The following EPHA10 variants were observed in gnomAD, a reference collection of about 807,000 sequenced individuals.
EPHA10 encodes EPH receptor A10.
EPHA10 carries 120 observed loss-of-function variants against 109.7 expected under a neutral mutation model. The observed-to-expected ratio is 1.09, with a 90% CI of 0.94 to 1.27. The LOEUF is 1.27. Ranked by LOEUF, EPHA10 falls within the 50% of genes most tolerant of loss-of-function variation. The pLI is 0.00. For missense variants in EPHA10, 1,396 were observed against 1,411.1 expected (o/e 0.99, Z 0.17); for synonymous variants, 640 against 618.9 (o/e 1.03, Z -0.51).
intron 8 of EPHA10, among the ~76,000 whole-genome samples, chr1:37,725,400 G>A (rs1216086182): frequency 6.6e-6 from 1 of 151,344 alleles, no homozygotes; most frequent in Non-Finnish European, 1.5e-5. Context: ...CAGTTACTCA[G>A]GAGGCCGAGG....
chr1:37,718,624 C>A (rs1298844815), intron 16 of EPHA10, 37 bp downstream of exon 16: 1 of 1,612,944 alleles, frequency 6.2e-7, no homozygotes, highest in Non-Finnish European at 8.5e-7. Flanking sequence ...TGTGGAATCC[C>A]CCAGCCCCGG....
At chr1:37,745,659 G>T (rs1032243873) in intron 5 of EPHA10, among the ~76,000 whole-genome samples, 1 of 152,238 alleles carries the variant, frequency 6.6e-6, no homozygotes, top group East Asian at 1.9e-4. Flanking sequence ...AACCAACCTG[G>T]CCAATATGGG....
chr1:37,715,494 C>T (rs1043605791), downstream of EPHA10, among the ~76,000 whole-genome samples: 5 of 152,120 alleles, frequency 3.3e-5, no homozygotes, highest in African/African-American at 1.2e-4. Flanking sequence ...TGGCTTCTAC[C>T]CCCATCTGAA....
chr1:37,744,874 T>A (rs1049678311), intron 5 of EPHA10, among the ~76,000 whole-genome samples: 2 of 152,158 alleles, frequency 1.3e-5, no homozygotes, highest in Non-Finnish European at 2.9e-5. Context: ...GGTAATCAAG[T>A]TAAAATGAGG....
Position 37,727,054 on chromosome 1 carries a change from C to T in EPHA10, c.1772+48G>A, listed in dbSNP as rs143187613. ...GCCTGTGAGCACACATTAATGTGCA[C>T]GGGACATGACCCACCAGGAGTCACC... On this transcript the variant is annotated intron_variant, in intron 8 of 16. Transcript: ENST00000373048. The T allele has an allele frequency of 4.9e-4, 722 of 1,469,000 alleles. 1 individual carries two copies. Among genetic ancestry groups the T allele is most frequent in the African/African-American group, 2.7e-3 (190 of 70,964 alleles). The allele number at this position is 1,469,000 out of a possible 1,614,324, so 91.0% of individuals were successfully genotyped here.
chr1:37,721,618 T>C (rs536707248), intron 11 of EPHA10, 42 bp downstream of exon 11: 27 of 1,559,024 alleles, frequency 1.7e-5, no homozygotes, highest in East Asian at 2.3e-5. Context: ...CCACCCCCCA[T>C]ACCCGTGGGC....
Position 37,716,143 on chromosome 1 carries a change from G to T in EPHA10, c.*2229C>A, listed in dbSNP as rs905729350. 2.3e-6 allele frequency: 1 copy of T among 427,390 alleles called. No homozygotes were observed. The highest frequency in any genetic ancestry group is 4.4e-6 in the Non-Finnish European group (1 of 225,870). 26.5% of individuals were successfully genotyped at this position (427,390 alleles called of 1,614,324 possible). On this transcript the variant is annotated 3_prime_UTR_variant, in exon 17 of 17. Transcript: ENST00000373048. ...AGTGAACAAGTTCCATATAAAAATA[G>T]ATCTGTAGAGGGTTCCCAGAGAGCC...
intron 3 of EPHA10, among the ~76,000 whole-genome samples, chr1:37,759,012 T>C (rs920737018): frequency 2.6e-5 from 4 of 152,234 alleles, no homozygotes; most frequent in Admixed American, 2.6e-4. Context: ...TCCTCATCTC[T>C]CAATGATCTC....
chr1:37,718,808 G>A lies in EPHA10; in HGVS notation c.2765C>T (p.Thr922Ile). ...GGAGAAGGCACGGTCCGCTAGTGGG[G>A]TGGGAGGCCTGCGGGTCAGAGGAGC... ...CALTTCPRPP[T>I]PLADRAFSTF... Residue 922 changes from threonine to isoleucine, a missense_variant, in exon 16 of 17, where the codon ACC (threonine) becomes ATC (isoleucine). By Grantham distance (89) the Thr-to-Ile change is moderately conservative. Transcript: ENST00000373048. 1.2e-6 allele frequency: 2 copies of A among 1,611,174 alleles called. No homozygotes were observed. Among genetic ancestry groups the A allele is most frequent in the South Asian group, 1.1e-5 (1 of 90,848 alleles).
intron 3 of EPHA10, among the ~76,000 whole-genome samples, chr1:37,759,785 C>A (rs1332207891): frequency 3.1e-5 from 4 of 128,592 alleles, no homozygotes; most frequent in Admixed American, 2.5e-4. Flanking sequence ...CATAGACAAA[C>A]CCCCATTTCT....
At chr1:37,752,552 A>C (rs772089313) in intron 5 of EPHA10, among the ~76,000 whole-genome samples, 46 of 152,256 alleles carry the variant, frequency 3.0e-4, no homozygotes, top group Middle Eastern at 6.8e-3. Flanking sequence ...TGAGCGGGAC[A>C]GAGGCTTTGT....
At position 37,762,096 on chromosome 1, in the gene EPHA10, G is replaced by A. The variant is rs2148371579; in HGVS notation, c.172-13C>T. On this transcript the variant is annotated splice_polypyrimidine_tract_variant and intron_variant, in intron 2 of 16. Coordinates refer to ENST00000373048, the MANE Select transcript of EPHA10 (RefSeq NM_001099439.2). Reference sequence around the variant, plus strand: ...TGATCTCCTCCCACTGGGGACAAGAGTAAAGGGGTGGGCAGCCCAGAGCCA... The same window carrying A: ...TGATCTCCTCCCACTGGGGACAAGAATAAAGGGGTGGGCAGCCCAGAGCCA... The A allele has an allele frequency of 1.3e-6, 2 of 1,561,902 alleles. No homozygotes were observed. The highest frequency in any genetic ancestry group is 1.7e-6 in the Non-Finnish European group (2 of 1,152,674).
At chr1:37,730,922 C>T (rs1195772290) in intron 7 of EPHA10, among the ~76,000 whole-genome samples, 1 of 152,044 alleles carries the variant, frequency 6.6e-6, no homozygotes, top group Non-Finnish European at 1.5e-5. Context: ...GAACTCCTGA[C>T]CTCAGGTGAT....
rs1460096596 is a variant in EPHA10 at position 37,716,527 on chromosome 1, G to T, written c.*1845C>A. The T allele has an allele frequency of 8.6e-6, 2 of 231,794 alleles. No individual in the cohort carries two copies. The highest frequency in any genetic ancestry group is 5.6e-5 in the Admixed American group (1 of 17,708). The allele number at this position is 231,794 out of a possible 1,614,324, so 14.4% of individuals were successfully genotyped here. Reference sequence around the variant, plus strand: ...CAGTACCCCCAGAGTCACTGAGCTGGGGCAGGTGCTCAGGAGACAGGGAGG... The same window carrying T: ...CAGTACCCCCAGAGTCACTGAGCTGTGGCAGGTGCTCAGGAGACAGGGAGG... On this transcript the variant is annotated 3_prime_UTR_variant, in exon 17 of 17. Transcript: ENST00000373048.
chr1:37,739,632 TGA>T (rs1646122601), intron 5 of EPHA10, among the ~76,000 whole-genome samples: 1 of 138,668 alleles, frequency 7.2e-6, no homozygotes, highest in Non-Finnish European at 1.5e-5. Flanking sequence ...GAGGTTGCAG[TGA>T]GCCAAGATTA....
rs145671538 is a variant in EPHA10, at chr1:37,716,797, A to G, written c.*1575T>C. Reference sequence around the variant, plus strand: ...AAAGAACCTTCCCTTTCCCACCTGCAAGGCCCTGTTCAACTTACATCTCAA... The same window carrying G: ...AAAGAACCTTCCCTTTCCCACCTGCGAGGCCCTGTTCAACTTACATCTCAA... On this transcript the variant is annotated 3_prime_UTR_variant, in exon 17 of 17. Transcript: ENST00000373048. The G allele has an allele frequency of 3.4e-5, 8 of 232,430 alleles. No individual in the cohort carries two copies. The highest frequency in any genetic ancestry group is 8.8e-5 in the African/African-American group (4 of 45,388). The allele number at this position is 232,430 out of a possible 1,614,324, so 14.4% of individuals were successfully genotyped here.
At chr1:37,724,523 A>G (rs1645855420) in intron 8 of EPHA10, among the ~76,000 whole-genome samples, 1 of 151,884 alleles carries the variant, frequency 6.6e-6, no homozygotes, top group Admixed American at 6.6e-5. Context: ...AGCACCAAGG[A>G]CAGTACAAAA....
chr1:37,758,413 T>C (rs1646407375), intron 3 of EPHA10, among the ~76,000 whole-genome samples: 1 of 152,182 alleles, frequency 6.6e-6, no homozygotes, highest in Non-Finnish European at 1.5e-5. Context: ...TGACTCAAGC[T>C]CTTCAACTTC....
intron 5 of EPHA10, among the ~76,000 whole-genome samples, chr1:37,735,890 A>G (rs1229478091): frequency 1.3e-5 from 2 of 152,230 alleles, no homozygotes; most frequent in Non-Finnish European, 2.9e-5. Context: ...TACAGTGAGC[A>G]TCATACCCAA....
Sources: gnomAD v4.1 joint callset for allele counts (sites outside exome capture counted in the v4.1 genomes callset) on GRCh38, gnomAD v4.1.1 for gene constraint, MANE v1.5 for transcripts, NCBI Gene and HGNC (gene_info 2026-07-23, HGNC 2026-07-21) for gene names.